Variants in DNA2 observed in about 807,000 individuals in gnomAD.
DNA2 encodes DNA replication ATP-dependent helicase/nuclease DNA2.
Under a neutral mutation model 119.1 loss-of-function variants are expected in DNA2, and 101 were observed. The ratio of observed to expected loss-of-function variants is 0.85; its 90% CI spans 0.72 to 1.00. The LOEUF (loss-of-function observed/expected upper bound fraction) is 1.00, where lower values mean the gene tolerates loss of function less well. DNA2 is among the 50% of genes least tolerant of loss of function. The pLI is 0.00. For missense variants in DNA2, 1,121 were observed against 1,255.5 expected (o/e 0.89, Z 1.62); for synonymous variants, 366 against 424.4 (o/e 0.86, Z 1.69).
intron 1 of DNA2, 150 bp downstream of exon 1, chr10:68,471,641 G>T: frequency 2.1e-6 from 2 of 933,460 alleles, no homozygotes; most frequent in Non-Finnish European, 3.1e-6. Flanking sequence ...GGCAGGCCCC[G>T]ACTCCGGAGG....
chr10:68,418,628 T>C (rs1454780572), intron 19 of DNA2, among the ~76,000 whole-genome samples: 1 of 151,378 alleles, frequency 6.6e-6, no homozygotes, highest in Non-Finnish European at 1.5e-5. Context: ...GTGTATGTTG[T>C]TCCCCTCTCT....
chr10:68,469,843 C>T (rs1349917480), intron 2 of DNA2, 138 bp downstream of exon 2: 1 of 763,092 alleles, frequency 1.3e-6, no homozygotes, highest in Non-Finnish European at 2.0e-6. Context: ...ATACAATTTT[C>T]ATGCAGAATT....
intron 14 of DNA2, among the ~76,000 whole-genome samples, chr10:68,426,781 G>A (rs1386163593): frequency 4.6e-5 from 7 of 152,042 alleles, no homozygotes; most frequent in Non-Finnish European, 1.5e-5. Flanking sequence ...AGAGCTTGCA[G>A]TGAGCCGAGA....
chr10:68,433,397 T>C (rs1050805875), intron 10 of DNA2, among the ~76,000 whole-genome samples: 5 of 152,186 alleles, frequency 3.3e-5, no homozygotes, highest in Non-Finnish European at 5.9e-5. Flanking sequence ...CAGGTTTGCT[T>C]TTAGTTTTTC....
At chr10:68,452,501 A>G (rs1387481257) in intron 5 of DNA2, among the ~76,000 whole-genome samples, 3 of 152,166 alleles carry the variant, frequency 2.0e-5, no homozygotes, top group Non-Finnish European at 4.4e-5. Context: ...CTAATAGAAT[A>G]CAGGTTAAAA....
chr10:68,463,486 C>T (rs1434000493), intron 4 of DNA2, among the ~76,000 whole-genome samples: 1 of 145,282 alleles, frequency 6.9e-6, no homozygotes, highest in African/African-American at 2.5e-5. Flanking sequence ...TGATGATAAC[C>T]ATAAATACAG....
At chr10:68,436,843 A>T (rs1037206078) in intron 10 of DNA2, 168 bp downstream of exon 10, 6 of 578,046 alleles carry the variant, frequency 1.0e-5, no homozygotes, top group African/African-American at 9.5e-5. Flanking sequence ...CTTCCTTGGG[A>T]GTTTCTTTTT....
At chr10:68,456,978 C>CA (rs1230144357) in intron 5 of DNA2, among the ~76,000 whole-genome samples, 1 of 151,488 alleles carries the variant, frequency 6.6e-6, no homozygotes, top group Non-Finnish European at 1.5e-5. Flanking sequence ...ACTAAAAATA[C>CA]AAAAAATTAG....
Position 68,450,144 on chromosome 10 carries a change from T to C in DNA2, c.823A>G (p.Lys275Glu), listed in dbSNP as rs757679373. ...IWSPRFGLKG[K>E]IDVTVGVKIH... Reference sequence around the variant, plus strand: ...TTCACACCAACTGTAACATCTATTTTGCCTTTCAATCCAAACCTAGGGGAC... The same window carrying C: ...TTCACACCAACTGTAACATCTATTTCGCCTTTCAATCCAAACCTAGGGGAC... The change falls in exon 6 of 21, where the codon AAA becomes GAA. Residue 275 changes from lysine to glutamate, a missense_variant. Physicochemically the swap from Lys to Glu is moderately conservative, Grantham distance 56. Transcript: ENST00000358410. 1.9e-6 allele frequency: 3 copies of C among 1,608,354 alleles called. No homozygotes were observed. The highest frequency in any genetic ancestry group is 2.5e-6 in the Non-Finnish European group (3 of 1,176,978).
In DNA2 at chr10:68,437,054, C is replaced by T. The variant is rs775237954; in HGVS notation, c.1603G>A (p.Val535Met). 2 of 1,613,486 alleles carry T rather than the reference C, an allele frequency of 1.2e-6. No individual in the cohort carries two copies. Among genetic ancestry groups the T allele is most frequent in the South Asian group, 1.1e-5 (1 of 90,878 alleles). ...RSLFALSRGY[V>M]KEINMTTVTC... ...ACTGTTGTCATGTTAATCTCCTTCA[C>T]ATATCCTCTAGACAAAGCAAACAGT... Residue 535 changes from valine to methionine, a missense_variant, in exon 10 of 21, where the codon GTG becomes ATG. Physicochemically the swap from Val to Met is conservative, Grantham distance 21. Transcript: ENST00000358410.
rs1158966513 is a variant in DNA2, at chr10:68,470,074, A to G, written c.164T>C (p.Val55Ala). 1 of 1,613,902 alleles carries G rather than the reference A, an allele frequency of 6.2e-7. No individual in the cohort carries two copies. The highest frequency in any genetic ancestry group is 1.7e-5 in the Admixed American group (1 of 59,980). The part of the protein sequence containing the change: ...NRYLVLAVNT[V>A]QNKEGNCEKR... ...TTCACAGTTTCCCTCTTTGTTCTGT[A>G]CAGTATTGACTGCCAACACCAGGTA... The change falls in exon 2 of 21, where the codon GTA (valine) becomes GCA (alanine). Residue 55 changes from valine to alanine, a missense_variant. Coordinates refer to ENST00000358410, the MANE Select transcript of DNA2 (RefSeq NM_001080449.3).
intron 9 of DNA2, among the ~76,000 whole-genome samples, chr10:68,437,698 G>A (rs2051909732): frequency 6.7e-6 from 1 of 149,724 alleles, no homozygotes; most frequent in Non-Finnish European, 1.5e-5. Flanking sequence ...CTAATATTGA[G>A]CCTGTCATTT....
chr10:68,438,916 C>T (rs1039799166), intron 9 of DNA2, among the ~76,000 whole-genome samples: 7 of 150,700 alleles, frequency 4.6e-5, no homozygotes, highest in Admixed American at 4.0e-4. Context: ...ACCTGTAATC[C>T]CAGCTATTCA....
chr10:68,445,011 T>G lies in DNA2; in HGVS notation c.1130A>C (p.Lys377Thr). 6.2e-7 allele frequency: 1 copy of G among 1,613,568 alleles called. No individual in the cohort carries two copies. The highest frequency in any genetic ancestry group is 8.5e-7 in the Non-Finnish European group (1 of 1,179,588). ...TTGTGGCAAAGAAGCAAGCTGTGTC[T>G]TCTGTCTAGTAGCAGATTTGCTAAT... ...HRISKSATRQKTQLASLPQII... is the reference protein window; with the variant it reads ...HRISKSATRQTTQLASLPQII... Residue 377 changes from lysine (K) to threonine (T), a missense_variant, in exon 8 of 21, where the codon AAG becomes ACG. Physicochemically the swap from Lys to Thr is moderately conservative, Grantham distance 78 (BLOSUM62 -1). Transcript: ENST00000358410.
rs1554907479 is a variant in DNA2, at chr10:68,448,964, T to TGC, written c.939+1063_939+1064insGC. ...GTGTGTGTGTGTGTGTGTGTGTGTG[T>TGC]GTGCGTGTGTGTGTGTGTGTGTAGT... On this transcript the variant is annotated intron_variant, in intron 6 of 20. Coordinates refer to ENST00000358410, the MANE Select transcript of DNA2 (RefSeq NM_001080449.3). Among the ~76,000 whole-genome samples, 325 of 59,864 alleles carry TGC rather than the reference T, an allele frequency of 5.4e-3. 1 individual carries two copies. The highest frequency in any genetic ancestry group is 0.012 in the South Asian group (14 of 1,162). 39.3% of individuals were successfully genotyped at this position (59,864 alleles called of 152,430 possible).
chr10:68,415,310 CTT>C (rs1433562259), intron 20 of DNA2, among the ~76,000 whole-genome samples: 1 of 144,424 alleles, frequency 6.9e-6, no homozygotes, highest in Non-Finnish European at 1.5e-5. Flanking sequence ...GAGTTTCACT[CTT>C]GTTACCCAGG....
chr10:68,439,302 G>T (rs1403215939), intron 9 of DNA2, among the ~76,000 whole-genome samples: 2 of 151,958 alleles, frequency 1.3e-5, no homozygotes, highest in Non-Finnish European at 2.9e-5. Flanking sequence ...GCTGAGGCAG[G>T]AGAATCACTT....
intron 3 of DNA2, among the ~76,000 whole-genome samples, chr10:68,467,605 C>T (rs1358047826): frequency 2.6e-5 from 4 of 152,120 alleles, no homozygotes; most frequent in African/African-American, 7.2e-5. Flanking sequence ...GGCTAGACTG[C>T]AGTAGCATGA....
At chr10:68,470,246 TC>T in intron 1 of DNA2, 83 bp from the exon 2 acceptor site, 3 of 1,227,884 alleles carry the variant, frequency 2.4e-6, no homozygotes, top group Middle Eastern at 2.0e-4. Context: ...AAACCAATCT[TC>T]CAGTTTTCTA....
Sources: gnomAD v4.1 joint callset for allele counts (sites outside exome capture counted in the v4.1 genomes callset) on GRCh38, gnomAD v4.1.1 for gene constraint, MANE v1.5 for transcripts, NCBI Gene and HGNC (gene_info 2026-07-23, HGNC 2026-07-21) for gene names.